Variants in ZNF385B observed in about 807,000 individuals in gnomAD.
ZNF385B encodes the protein zinc finger protein 385B, also known as zinc finger protein 533.
In ZNF385B, 23 loss-of-function variants were observed where a neutral mutation model predicts 39.2. The ratio of observed to expected loss-of-function variants is 0.59; its 90% CI spans 0.42 to 0.83. The LOEUF is 0.83. Among genes scored for constraint, ZNF385B ranks in the 40% least tolerant of loss-of-function variants. ZNF385B has a pLI of 0.00. For missense variants in ZNF385B, 552 were observed against 598.9 expected (o/e 0.92, Z 0.82); for synonymous variants, 205 against 222.6 (o/e 0.92, Z 0.70).
chr2:179,809,125 A>C (rs377026499), intron 1 of ZNF385B, among the ~76,000 whole-genome samples: 22 of 152,266 alleles, frequency 1.4e-4, no homozygotes, highest in African/African-American at 5.1e-4. Flanking sequence ...AAGGGCAAAG[A>C]AAAAAAATCA....
At chr2:179,797,833 A>G (rs1369157807) in intron 1 of ZNF385B, among the ~76,000 whole-genome samples, 1 of 152,162 alleles carries the variant, frequency 6.6e-6, no homozygotes, top group African/African-American at 2.4e-5. Context: ...TTTTTCTGAC[A>G]TGACCAGCTG....
At chr2:179,826,116 A>G (rs186535219) in intron 1 of ZNF385B, among the ~76,000 whole-genome samples, 4 of 152,296 alleles carry the variant, frequency 2.6e-5, no homozygotes, top group African/African-American at 9.6e-5. Flanking sequence ...AAGTTACCAA[A>G]TTATGAAAAA....
chr2:179,469,832 G>A (rs1192387252), intron 6 of ZNF385B, among the ~76,000 whole-genome samples: 1 of 152,138 alleles, frequency 6.6e-6, no homozygotes, highest in Non-Finnish European at 1.5e-5. Flanking sequence ...TGGACTTGGC[G>A]CTATGAGCTG....
At chr2:179,552,812 G>C (rs997171076) in intron 3 of ZNF385B, among the ~76,000 whole-genome samples, 7 of 149,248 alleles carry the variant, frequency 4.7e-5, no homozygotes, top group Admixed American at 1.3e-4. Flanking sequence ...AGCAATAACA[G>C]AGATAACATT....
intron 1 of ZNF385B, among the ~76,000 whole-genome samples, chr2:179,783,391 C>A (rs1411804542): frequency 3.3e-5 from 5 of 152,060 alleles, no homozygotes; most frequent in Admixed American, 6.6e-5. Flanking sequence ...GGAAGACAAC[C>A]TAGGCAATAC....
At chr2:179,523,571 T>G (rs181430282) in intron 4 of ZNF385B, among the ~76,000 whole-genome samples, 1 of 152,220 alleles carries the variant, frequency 6.6e-6, no homozygotes, top group East Asian at 1.9e-4. Context: ...ATATTTAGAC[T>G]CTAGAAAATT....
intron 1 of ZNF385B, among the ~76,000 whole-genome samples, chr2:179,836,679 C>T (rs549333347): frequency 5.1e-4 from 77 of 151,076 alleles, no homozygotes; most frequent in Middle Eastern, 3.4e-3. Flanking sequence ...CCACCGTGCC[C>T]GGCTAATTTT....
At chr2:179,449,279 G>A (rs1018021036) in intron 6 of ZNF385B, among the ~76,000 whole-genome samples, 4 of 152,078 alleles carry the variant, frequency 2.6e-5, no homozygotes, top group Non-Finnish European at 5.9e-5. Flanking sequence ...TTTCATTAAA[G>A]AAGTGACATT....
chr2:179,747,242 T>A (rs1232619847), intron 3 of ZNF385B, among the ~76,000 whole-genome samples: 1 of 152,152 alleles, frequency 6.6e-6, no homozygotes, highest in Non-Finnish European at 1.5e-5. Flanking sequence ...AGCACTCTCA[T>A]GGGCATTCTC....
At chr2:179,528,208 G>C (rs973017622) in intron 4 of ZNF385B, among the ~76,000 whole-genome samples, 3 of 152,220 alleles carry the variant, frequency 2.0e-5, no homozygotes, top group African/African-American at 7.2e-5. Flanking sequence ...CAGTCTGTGA[G>C]ATGTCTGCAG....
chr2:179,771,124 A>C (rs1703984945), intron 1 of ZNF385B, among the ~76,000 whole-genome samples: 1 of 152,128 alleles, frequency 6.6e-6, no homozygotes, highest in Non-Finnish European at 1.5e-5. Context: ...GTTTATATGA[A>C]GGAAGGATCA....
intron 3 of ZNF385B, among the ~76,000 whole-genome samples, chr2:179,751,402 T>C (rs1702667742): frequency 6.6e-6 from 1 of 152,120 alleles, no homozygotes; most frequent in African/African-American, 2.4e-5. Context: ...GGTAATTCTG[T>C]GGTATCGCGT....
intron 3 of ZNF385B, among the ~76,000 whole-genome samples, chr2:179,651,715 G>A (rs936548884): frequency 3.3e-5 from 5 of 152,100 alleles, no homozygotes; most frequent in African/African-American, 1.2e-4. Flanking sequence ...TCTGTAAGTG[G>A]ATGAGGAGAA....
chr2:179,470,866 G>GAAAC (rs56072176), intron 6 of ZNF385B, among the ~76,000 whole-genome samples: 16,515 of 151,194 alleles, frequency 0.11, 995 homozygotes, highest in East Asian at 0.15. Context: ...GTATGTCCCT[G>GAAAC]AAACAAACAA....
At chr2:179,776,926 C>A (rs1704355962) in intron 1 of ZNF385B, among the ~76,000 whole-genome samples, 1 of 151,964 alleles carries the variant, frequency 6.6e-6, no homozygotes, top group Non-Finnish European at 1.5e-5. Flanking sequence ...TTACTTTATT[C>A]TCACTTATTA....
intron 6 of ZNF385B, among the ~76,000 whole-genome samples, chr2:179,463,119 C>T (rs1291497493): frequency 6.6e-6 from 1 of 151,918 alleles, no homozygotes; most frequent in African/African-American, 2.4e-5. Flanking sequence ...ATATACACAT[C>T]AATCAGTGTG....
At chr2:179,483,537 A>T in intron 5 of ZNF385B, 103 bp from the exon 6 acceptor site, 2 of 1,467,082 alleles carry the variant, frequency 1.4e-6, no homozygotes, top group Non-Finnish European at 1.9e-6. Context: ...CACCACAGAC[A>T]TTTACAACTC....
chr2:179,616,181 T>C lies in ZNF385B; in HGVS notation c.299-71212A>G, dbSNP rs561109495. Among the ~76,000 whole-genome samples the C allele has an allele frequency of 4.6e-5, 7 of 152,286 alleles. No homozygotes were observed. In the East Asian group the frequency reaches 1.2e-3, roughly 25 times the overall value. ...ATCTCTTAAGCAGAGATAGTAATAA[T>C]AGTGTTTGTTTCATAGGGCTATTGT... On this transcript the variant is annotated intron_variant, in intron 3 of 9. Transcript: ENST00000410066.
chr2:179,729,291 C>A (rs1287283136), intron 3 of ZNF385B, among the ~76,000 whole-genome samples: 1 of 152,116 alleles, frequency 6.6e-6, no homozygotes, highest in African/African-American at 2.4e-5. Context: ...CATTGACAAT[C>A]AACAGAACTT....
Sources: allele counts gnomAD v4.1 joint callset (sites outside exome capture counted in the v4.1 genomes callset), GRCh38; gene constraint gnomAD v4.1.1; transcripts MANE v1.5; gene names NCBI Gene and HGNC (gene_info 2026-07-23, HGNC 2026-07-21).